Variants in ALG6 observed in about 807,000 individuals in gnomAD.
ALG6 encodes the protein ALG6 alpha-1,3-glucosyltransferase, also known as dolichyl pyrophosphate Man9GlcNAc2 alpha-1,3-glucosyltransferase.
ALG6 carries 46 observed loss-of-function variants against 66.6 expected under a neutral mutation model. The observed-to-expected ratio is 0.69, with a 90% CI of 0.55 to 0.88. The LOEUF (loss-of-function observed/expected upper bound fraction) is 0.88, where lower values mean the gene tolerates loss of function less well. Among genes scored for constraint, ALG6 ranks in the 40% least tolerant of loss-of-function variants. The probability of loss-of-function intolerance (pLI) is 0.00; values close to 1 mark genes in which losing one functional copy is unlikely to be tolerated. For synonymous variants in ALG6, 185 were observed against 203.7 expected, an observed-to-expected ratio of 0.91 and a Z score of 0.78; for missense variants, 505 against 586.8, an observed-to-expected ratio of 0.86 and a Z score of 1.44.
chr1:63,397,025 C>A (rs1201230064), intron 3 of ALG6, among the ~76,000 whole-genome samples: 1 of 151,794 alleles, frequency 6.6e-6, no homozygotes, highest in Non-Finnish European at 1.5e-5. Flanking sequence ...GAAAAGGGGA[C>A]CAAAGGGAGA....
chr1:63,412,013 C>G lies in ALG6; in HGVS notation c.768C>G (p.Thr256=). Residue 256 remains threonine, a synonymous_variant, in exon 9 of 15, where the codon ACC becomes ACG. Transcript: ENST00000263440. Reference sequence around the variant, plus strand: ...CATTCTTTACAGAAAGGGAACAAACCCTGCAGGTTCTAAGAAGACTCTTCC... The same window carrying G: ...CATTCTTTACAGAAAGGGAACAAACGCTGCAGGTTCTAAGAAGACTCTTCC... The part of the protein sequence containing the change: ...WLPFFTEREQ[T]LQVLRRLFPV... 1 of 1,614,014 alleles carries G rather than the reference C, an allele frequency of 6.2e-7. No individual in the cohort carries two copies. Among genetic ancestry groups the G allele is most frequent in the East Asian group, 2.2e-5 (1 of 44,874 alleles).
intron 12 of ALG6, among the ~76,000 whole-genome samples, chr1:63,428,029 C>T (rs1377828279): frequency 6.6e-6 from 1 of 151,872 alleles, no homozygotes. Context: ...AGGCTGGTCT[C>T]GAACTCCTGA....
At chr1:63,377,904 T>A (rs1475044009) in intron 2 of ALG6, among the ~76,000 whole-genome samples, 1 of 152,076 alleles carries the variant, frequency 6.6e-6, no homozygotes, top group African/African-American at 2.4e-5. Flanking sequence ...CAGCTAAATA[T>A]ATGTTTTTTT....
intron 3 of ALG6, among the ~76,000 whole-genome samples, chr1:63,398,924 A>G (rs1304804834): frequency 2.6e-5 from 4 of 152,214 alleles, no homozygotes; most frequent in South Asian, 4.1e-4. Context: ...GCTAATTGCT[A>G]AAACACACAT....
At position 63,437,259 on chromosome 1, in the gene ALG6, C is replaced by A. The variant is rs753309284; in HGVS notation, c.*239C>A. On this transcript the variant is annotated 3_prime_UTR_variant, in exon 15 of 15. Transcript: ENST00000263440. ...CCAAAACATGTGGTTTTATTATTCA[C>A]AGCTATTCAAGTGGGGAAAAAAGAG... The A allele has an allele frequency of 2.3e-6, 1 of 441,510 alleles. No homozygotes were observed. Among genetic ancestry groups the A allele is most frequent in the Non-Finnish European group, 4.2e-6 (1 of 240,506 alleles). The allele number at this position is 441,510 out of a possible 1,614,324, so 27.3% of individuals were successfully genotyped here.
chr1:63,409,828 T>A (rs1361297245), intron 7 of ALG6, among the ~76,000 whole-genome samples: 1 of 152,202 alleles, frequency 6.6e-6, no homozygotes, highest in Non-Finnish European at 1.5e-5. Context: ...CGCATTGAGA[T>A]GCTTAAATGT....
chr1:63,404,055 G>A (rs1644478588), intron 4 of ALG6, among the ~76,000 whole-genome samples: 1 of 152,098 alleles, frequency 6.6e-6, no homozygotes, highest in African/African-American at 2.4e-5. Context: ...GATTATTATA[G>A]CTGTTTATTG....
At chr1:63,428,599 C>T (rs1644629332) in intron 12 of ALG6, 134 bp from the exon 13 acceptor site, 3 of 650,442 alleles carry the variant, frequency 4.6e-6, no homozygotes, top group South Asian at 2.1e-5. Flanking sequence ...ATCAGTAGTC[C>T]ATATGAAGAC....
chr1:63,369,615 G>A (rs1193580504), intron 1 of ALG6, among the ~76,000 whole-genome samples: 1 of 149,742 alleles, frequency 6.7e-6, no homozygotes, highest in Non-Finnish European at 1.5e-5. Flanking sequence ...GGCAACAAGA[G>A]CAAAGCTCCA....
chr1:63,398,947 T>C (rs963032001), intron 3 of ALG6, among the ~76,000 whole-genome samples: 5 of 152,176 alleles, frequency 3.3e-5, no homozygotes, highest in African/African-American at 1.2e-4. Flanking sequence ...ATTATCACAG[T>C]TTCTTTAGAT....
At chr1:63,393,907 TTAAG>T (rs1475590614) in intron 2 of ALG6, among the ~76,000 whole-genome samples, 1 of 152,148 alleles carries the variant, frequency 6.6e-6, no homozygotes, top group East Asian at 1.9e-4. Flanking sequence ...AGAAAACTTA[TTAAG>T]TTTCTTTCTG....
chr1:63,371,439 T>C (rs2100378828), intron 2 of ALG6, among the ~76,000 whole-genome samples: 1 of 152,066 alleles, frequency 6.6e-6, no homozygotes, highest in Non-Finnish European at 1.5e-5. Context: ...AAATTGGGAA[T>C]GAGAGAGGGG....
chr1:63,392,397 C>G (rs1320857530), intron 2 of ALG6, among the ~76,000 whole-genome samples: 2 of 152,100 alleles, frequency 1.3e-5, no homozygotes, highest in Non-Finnish European at 1.5e-5. Flanking sequence ...TCTTGAACTC[C>G]TGAACTCAGG....
intron 2 of ALG6, among the ~76,000 whole-genome samples, chr1:63,393,456 A>T (rs1648730317): frequency 6.6e-6 from 1 of 152,242 alleles, no homozygotes; most frequent in Non-Finnish European, 1.5e-5. Context: ...GTATAGTCAT[A>T]TGATAAAACA....
intron 3 of ALG6, among the ~76,000 whole-genome samples, chr1:63,399,649 T>G (rs1269444282): frequency 6.6e-6 from 1 of 152,216 alleles, no homozygotes; most frequent in Non-Finnish European, 1.5e-5. Flanking sequence ...GCAACTTTTC[T>G]GTAACTTTGA....
chr1:63,369,023 C>T (rs1415161796), intron 1 of ALG6, among the ~76,000 whole-genome samples: 1 of 152,054 alleles, frequency 6.6e-6, no homozygotes, highest in Non-Finnish European at 1.5e-5. Flanking sequence ...TTTTTAACAC[C>T]ATAGATTAGT....
chr1:63,418,173 G>C (rs1342709917), intron 11 of ALG6, among the ~76,000 whole-genome samples: 1 of 150,876 alleles, frequency 6.6e-6, no homozygotes, highest in Non-Finnish European at 1.5e-5. Context: ...AAAGAGAGCT[G>C]ATGGAATGAG....
intron 2 of ALG6, among the ~76,000 whole-genome samples, chr1:63,382,665 G>GTT (rs59236936): frequency 6.4e-5 from 6 of 93,586 alleles, no homozygotes; most frequent in Non-Finnish European, 1.3e-4. Context: ...GTTTTTTTTT[G>GTT]TTTTTTTTTT....
intron 2 of ALG6, among the ~76,000 whole-genome samples, chr1:63,377,104 G>A (rs1648158636): frequency 6.6e-6 from 1 of 152,070 alleles, no homozygotes; most frequent in African/African-American, 2.4e-5. Flanking sequence ...TGGGATTACA[G>A]GCGTGCGCTG....
Sources: allele counts gnomAD v4.1 joint callset (sites outside exome capture counted in the v4.1 genomes callset), GRCh38; gene constraint gnomAD v4.1.1; transcripts MANE v1.5; gene names NCBI Gene and HGNC (gene_info 2026-07-23, HGNC 2026-07-21).